The following NDRG3 variants were observed in gnomAD, a reference collection of about 807,000 sequenced individuals.
NDRG3 encodes the protein protein NDRG3.
NDRG3 carries 23 observed loss-of-function variants against 57.2 expected under a neutral mutation model. The ratio of observed to expected loss-of-function variants is 0.40; its 90% CI spans 0.29 to 0.57. The LOEUF (loss-of-function observed/expected upper bound fraction) is 0.57. Ranked by LOEUF, NDRG3 falls within the 20% of genes least tolerant of loss-of-function variation. NDRG3 has a pLI of 0.42. For missense variants in NDRG3, 384 were observed against 457.3 expected (o/e 0.84, Z 1.46); for synonymous variants, 132 against 162.6 (o/e 0.81, Z 1.43).
At chr20:36,685,671 C>T (rs922468700) in intron 5 of NDRG3, among the ~76,000 whole-genome samples, 4 of 152,204 alleles carry the variant, frequency 2.6e-5, no homozygotes, top group Admixed American at 6.5e-5. Flanking sequence ...CTAAGATGTT[C>T]GAGCAGGCCC....
chr20:36,666,273 C>G lies in NDRG3; in HGVS notation c.692+16G>C. 6.3e-7 allele frequency: 1 copy of G among 1,588,820 alleles called. No individual in the cohort carries two copies. The highest frequency in any genetic ancestry group is 1.1e-5 in the South Asian group (1 of 90,560). ...ACCTGTTTACATTTAAGTGAAGAAA[C>G]AGGAAAAAACTATACCCATTGTAGG... is the stretch of plus-strand genomic sequence containing the variant. On this transcript the variant is annotated intron_variant, in intron 10 of 15. Transcript: ENST00000349004.
intron 12 of NDRG3, among the ~76,000 whole-genome samples, chr20:36,663,012 G>A (rs1025131101): frequency 6.6e-6 from 1 of 152,162 alleles, no homozygotes; most frequent in Non-Finnish European, 1.5e-5. Flanking sequence ...ATATTTTCCT[G>A]TATTAAGTAT....
At chr20:36,741,977 GT>G (rs1985949584) in intron 1 of NDRG3, among the ~76,000 whole-genome samples, 1 of 152,040 alleles carries the variant, frequency 6.6e-6, no homozygotes. Context: ...CTGCTATCTT[GT>G]CTGTTTTATC....
intron 1 of NDRG3, among the ~76,000 whole-genome samples, chr20:36,735,724 G>A (rs1985570365): frequency 6.6e-6 from 1 of 151,994 alleles, no homozygotes; most frequent in African/African-American, 2.4e-5. Context: ...ACTCAGGCAG[G>A]GCACCTGTAA....
chr20:36,686,672 T>C (rs558386090), intron 5 of NDRG3, among the ~76,000 whole-genome samples: 32 of 152,294 alleles, frequency 2.1e-4, no homozygotes, highest in African/African-American at 7.7e-4. Flanking sequence ...AGGAGGAAGC[T>C]GAGAGTGCCA....
intron 1 of NDRG3, among the ~76,000 whole-genome samples, chr20:36,742,582 T>C (rs1985973967): frequency 6.6e-6 from 1 of 152,238 alleles, no homozygotes; most frequent in Non-Finnish European, 1.5e-5. Context: ...AAGGATGGAC[T>C]TAATGACTCG....
At chr20:36,697,633 G>A (rs568077499) in intron 3 of NDRG3, among the ~76,000 whole-genome samples, 2 of 152,056 alleles carry the variant, frequency 1.3e-5, no homozygotes, top group South Asian at 2.1e-4. Context: ...GCTTGCACCC[G>A]GGAGGCGGAG....
rs1984321568 is a variant in NDRG3, at chr20:36,717,120, T to C, written c.57+4559A>G. Among the ~76,000 whole-genome samples the C allele has an allele frequency of 3.3e-5, 5 of 152,224 alleles. No individual in the cohort carries two copies. In the South Asian group the frequency reaches 1.0e-3, roughly 32 times the overall value. On this transcript the variant is annotated intron_variant, in intron 2 of 15. Coordinates refer to ENST00000349004, the MANE Select transcript of NDRG3 (RefSeq NM_032013.4). ...TCTGTCCCGCAAAACAAAGTACTGG[T>C]GGTTGCTTCTTTTCATCACTAGAGC... is the stretch of plus-strand genomic sequence containing the variant.
In NDRG3 at chr20:36,700,454, C is replaced by A. The variant is rs199859797; in HGVS notation, c.93+6518G>T. 605 of 532,058 alleles carry A rather than the reference C, an allele frequency of 1.1e-3. 5 individuals carry two copies. The highest frequency in any genetic ancestry group is 6.9e-3 in the Middle Eastern group (22 of 3,168). The allele number at this position is 532,058 out of a possible 1,614,324, so 33.0% of individuals were successfully genotyped here. ...ACTCACCTCCATGGTGATTGGCATGCATATTTTTCGTGACCTTGTGAATGA... is the reference window on the plus strand; with the variant it reads ...ACTCACCTCCATGGTGATTGGCATGAATATTTTTCGTGACCTTGTGAATGA... On this transcript the variant is annotated intron_variant, in intron 3 of 15. Coordinates refer to ENST00000349004, the MANE Select transcript of NDRG3 (RefSeq NM_032013.4).
chr20:36,657,090 C>A (rs942333938), intron 13 of NDRG3, among the ~76,000 whole-genome samples: 2 of 152,178 alleles, frequency 1.3e-5, no homozygotes, highest in East Asian at 1.9e-4. Flanking sequence ...GGTATGGCTT[C>A]ATTAGTGTGC....
At chr20:36,714,353 C>T (rs1241045910) in intron 2 of NDRG3, among the ~76,000 whole-genome samples, 2 of 138,852 alleles carry the variant, frequency 1.4e-5, no homozygotes, top group African/African-American at 2.7e-5. Context: ...TGCAGTGAGC[C>T]GAGACCACAT....
At chr20:36,707,059 C>T in intron 2 of NDRG3, 52 bp from the exon 3 acceptor site, 2 of 1,544,692 alleles carry the variant, frequency 1.3e-6, no homozygotes, top group Non-Finnish European at 1.8e-6. Flanking sequence ...GGTTTCCCCA[C>T]ATGTGCAGCA....
chr20:36,697,382 C>T (rs921687960), intron 3 of NDRG3, among the ~76,000 whole-genome samples: 8 of 152,070 alleles, frequency 5.3e-5, no homozygotes, highest in Non-Finnish European at 1.2e-4. Context: ...GTTTTTTCCC[C>T]CCCAAGAATA....
At chr20:36,680,440 A>G (rs113096000) in intron 8 of NDRG3, among the ~76,000 whole-genome samples, 14,462 of 150,880 alleles carry the variant, frequency 0.096, 1,316 homozygotes, top group African/African-American at 0.24. Context: ...AGCCAAGATC[A>G]TGCCACTGCA....
intron 2 of NDRG3, among the ~76,000 whole-genome samples, chr20:36,715,015 T>C (rs1165275405): frequency 3.5e-5 from 2 of 57,692 alleles, no homozygotes; most frequent in Admixed American, 1.5e-4. Flanking sequence ...TGTATATATA[T>C]ATATATATAT....
intron 5 of NDRG3, among the ~76,000 whole-genome samples, chr20:36,685,746 C>T (rs570532347): frequency 1.4e-4 from 21 of 152,302 alleles, no homozygotes; most frequent in Admixed American, 6.5e-4. Context: ...CGTTGGCTCA[C>T]GCCTGTAATC....
intron 6 of NDRG3, 137 bp downstream of exon 6, chr20:36,684,276 T>A: frequency 3.0e-6 from 2 of 660,252 alleles, no homozygotes. Flanking sequence ...ATTTGTTTGC[T>A]TACTTGTTAC....
intron 8 of NDRG3, among the ~76,000 whole-genome samples, chr20:36,675,918 A>G (rs1368679325): frequency 6.6e-6 from 1 of 152,162 alleles, no homozygotes; most frequent in Non-Finnish European, 1.5e-5. Flanking sequence ...CGGCAATGTA[A>G]AAGTACTGAG....
chr20:36,738,596 G>A (rs1207634318), intron 1 of NDRG3, among the ~76,000 whole-genome samples: 1 of 151,326 alleles, frequency 6.6e-6, no homozygotes, highest in African/African-American at 2.4e-5. Context: ...GCCGGGGTGG[G>A]CGGATCACTT....
Sources: gnomAD v4.1 joint callset for allele counts (sites outside exome capture counted in the v4.1 genomes callset) on GRCh38, gnomAD v4.1.1 for gene constraint, MANE v1.5 for transcripts, NCBI Gene and HGNC (gene_info 2026-07-23, HGNC 2026-07-21) for gene names.